The following AGMO variants were observed in gnomAD, a reference collection of about 807,000 sequenced individuals.
The protein encoded by AGMO is glyceryl-ether monooxygenase.
AGMO carries 75 observed loss-of-function variants against 60.2 expected under a neutral mutation model. The ratio of observed to expected loss-of-function variants is 1.25; its 90% confidence interval spans 1.03 to 1.51. AGMO has a LOEUF of 1.51. Among genes scored for constraint, AGMO ranks in the 40% most tolerant of loss-of-function variants. AGMO has a pLI of 0.00. For missense variants in AGMO, 763 were observed against 525.5 expected (o/e 1.45, Z -4.42); for synonymous variants, 261 against 177.1 (o/e 1.47, Z -3.76).
chr7:15,461,151 G>C (rs914951300), intron 3 of AGMO, among the ~76,000 whole-genome samples: 7 of 151,928 alleles, frequency 4.6e-5, no homozygotes, highest in African/African-American at 1.7e-4. Context: ...GAAACATAAA[G>C]TTATTGCTTC....
chr7:15,500,214 T>A (rs1346822221), intron 3 of AGMO, among the ~76,000 whole-genome samples: 1 of 151,868 alleles, frequency 6.6e-6, no homozygotes, highest in Non-Finnish European at 1.5e-5. Context: ...AATGACATAC[T>A]AGAGAAGTCT....
chr7:15,318,055 G>C (rs1780994582), intron 12 of AGMO, among the ~76,000 whole-genome samples: 2 of 149,884 alleles, frequency 1.3e-5, no homozygotes, highest in Non-Finnish European at 3.0e-5. Flanking sequence ...ACCCAGGCTG[G>C]TGTGCAGTAG....
At chr7:15,409,046 A>G (rs1468183415) in intron 5 of AGMO, among the ~76,000 whole-genome samples, 1 of 151,900 alleles carries the variant, frequency 6.6e-6, no homozygotes, top group South Asian at 2.1e-4. Context: ...TGAGCTGCAC[A>G]GTATGGAAAG....
At chr7:15,261,785 C>A (rs1390333755) in intron 12 of AGMO, among the ~76,000 whole-genome samples, 2 of 151,740 alleles carry the variant, frequency 1.3e-5, no homozygotes, top group East Asian at 1.9e-4. Flanking sequence ...CAATGACATT[C>A]CAAAAAGATA....
At chr7:15,540,138 G>A (rs1433123262) in intron 3 of AGMO, among the ~76,000 whole-genome samples, 2 of 152,072 alleles carry the variant, frequency 1.3e-5, no homozygotes, top group Admixed American at 6.6e-5. Context: ...AGAACTGAGG[G>A]AGAGAGAACC....
At chr7:15,390,138 G>C (rs1157016851) in intron 8 of AGMO, among the ~76,000 whole-genome samples, 1 of 151,998 alleles carries the variant, frequency 6.6e-6, no homozygotes, top group East Asian at 1.9e-4. Context: ...CAACCATCGA[G>C]ACCAATGAAC....
chr7:15,480,332 T>A (rs1782716951), intron 3 of AGMO, among the ~76,000 whole-genome samples: 1 of 152,148 alleles, frequency 6.6e-6, no homozygotes, highest in African/African-American at 2.4e-5. Flanking sequence ...ATTAATGCAA[T>A]AATGTTTAGA....
chr7:15,356,632 TAC>T (rs1782539408), intron 12 of AGMO, among the ~76,000 whole-genome samples: 1 of 152,070 alleles, frequency 6.6e-6, no homozygotes. Context: ...CAGCAGATAA[TAC>T]AGTGTTATTA....
At chr7:15,552,687 A>C (rs1362213028) in intron 2 of AGMO, among the ~76,000 whole-genome samples, 1 of 147,488 alleles carries the variant, frequency 6.8e-6, no homozygotes, top group Non-Finnish European at 1.5e-5. Context: ...GCTGGAGAGG[A>C]TGTGGAGAAA....
intron 12 of AGMO, among the ~76,000 whole-genome samples, chr7:15,348,162 G>C (rs965395338): frequency 1.3e-5 from 2 of 151,938 alleles, no homozygotes; most frequent in Non-Finnish European, 2.9e-5. Flanking sequence ...AATCCAAAAG[G>C]AACAGTTTAG....
chr7:15,299,740 A>G (rs1265130150), intron 12 of AGMO, among the ~76,000 whole-genome samples: 1 of 151,542 alleles, frequency 6.6e-6, no homozygotes, highest in Non-Finnish European at 1.5e-5. Context: ...AGGCAGGAGA[A>G]TTGCTCGAAC....
rs1583649963 is a variant in AGMO, at chr7:15,529,343, C to T, written c.409+15429G>A. Among the ~76,000 whole-genome samples, 11 of 150,558 alleles carry T rather than the reference C, an allele frequency of 7.3e-5. No homozygotes were observed. In the South Asian group the frequency reaches 2.1e-3, roughly 29 times the overall value. On this transcript the variant is annotated intron_variant, in intron 3 of 12. Coordinates refer to ENST00000342526, the MANE Select transcript of AGMO (RefSeq NM_001004320.2). ...GTTAATGTAACTTCAAAAGAACTGG[C>T]ATGTTGCTTGTTTCATCTGTCAATA...
At chr7:15,446,995 C>A (rs946029523) in intron 3 of AGMO, among the ~76,000 whole-genome samples, 9 of 152,276 alleles carry the variant, frequency 5.9e-5, no homozygotes, top group African/African-American at 2.2e-4. Context: ...ATCTTCCCCA[C>A]AATGCTCAAA....
intron 10 of AGMO, among the ~76,000 whole-genome samples, chr7:15,374,317 A>G (rs1783355914): frequency 6.6e-6 from 1 of 152,142 alleles, no homozygotes; most frequent in Non-Finnish European, 1.5e-5. Flanking sequence ...ATTTGCTAGA[A>G]TTTCAAGCAA....
intron 12 of AGMO, among the ~76,000 whole-genome samples, chr7:15,348,294 T>C (rs757107248): frequency 1.3e-4 from 20 of 151,982 alleles, no homozygotes; most frequent in Non-Finnish European, 2.6e-4. Flanking sequence ...TATACATCAA[T>C]ATAGTGCTAA....
chr7:15,494,183 G>C (rs1046083711), intron 3 of AGMO, among the ~76,000 whole-genome samples: 14 of 152,174 alleles, frequency 9.2e-5, no homozygotes, highest in African/African-American at 3.1e-4. Context: ...ACTTTCTTAA[G>C]ACAACAAGAA....
At chr7:15,170,442 T>C in the AGMO span, among the ~76,000 whole-genome samples, 2 of 152,158 alleles carry the variant, frequency 1.3e-5, no homozygotes, top group East Asian at 3.9e-4. Context: ...ATACCCACAA[T>C]CAAGGAATAA....
At chr7:15,206,141 T>A (rs942205877) in intron 12 of AGMO, among the ~76,000 whole-genome samples, 1 of 152,048 alleles carries the variant, frequency 6.6e-6, no homozygotes, top group African/African-American at 2.4e-5. Context: ...CTATTTCCTA[T>A]GAGCGCAAGA....
At chr7:15,179,476 G>A in the AGMO span, among the ~76,000 whole-genome samples, 2 of 152,234 alleles carry the variant, frequency 1.3e-5, no homozygotes, top group African/African-American at 4.8e-5. Context: ...AACCTAAAAC[G>A]GAAAGCAATA....
Sources: allele counts gnomAD v4.1 joint callset (sites outside exome capture counted in the v4.1 genomes callset), GRCh38; gene constraint gnomAD v4.1.1; transcripts MANE v1.5; gene names NCBI Gene and HGNC (gene_info 2026-07-23, HGNC 2026-07-21).